C1QTNF3: variants seen among roughly 807,000 people sequenced by gnomAD.
C1QTNF3 encodes C1q and TNF related 3.
In C1QTNF3, 26 loss-of-function variants were observed where a neutral mutation model predicts 32.6. The ratio of observed to expected loss-of-function variants is 0.80; its 90% confidence interval spans 0.58 to 1.11. C1QTNF3 has a LOEUF of 1.11. C1QTNF3 is among the 50% of genes least tolerant of loss of function. The pLI is 0.00. For missense variants in C1QTNF3, 362 were observed against 398.2 expected, an observed-to-expected ratio of 0.91 and a Z score of 0.77; for synonymous variants, 155 against 146.0, an observed-to-expected ratio of 1.06 and a Z score of -0.44.
At chr5:34,156,439 A>G in the C1QTNF3 span, among the ~76,000 whole-genome samples, 1 of 152,340 alleles carries the variant, frequency 6.6e-6, no homozygotes, top group South Asian at 2.1e-4. Flanking sequence ...TACTGTGATT[A>G]TTCTTTCTAA....
chr5:34,059,678 G>A, the C1QTNF3 span, among the ~76,000 whole-genome samples: 1 of 152,148 alleles, frequency 6.6e-6, no homozygotes, highest in Non-Finnish European at 1.5e-5. Context: ...CAGCTTGGGG[G>A]TTTAGAGCTC....
At chr5:34,079,749 G>A in the C1QTNF3 span, among the ~76,000 whole-genome samples, 10 of 151,736 alleles carry the variant, frequency 6.6e-5, 1 homozygote, top group African/African-American at 2.4e-4. Flanking sequence ...GAAGCAGAGA[G>A]TAAAAGGCAG....
At chr5:34,236,570 C>CTTTTTTTTTTTTT in the C1QTNF3 span, among the ~76,000 whole-genome samples, 32 of 27,282 alleles carry the variant, frequency 1.2e-3, no homozygotes, top group East Asian at 1.8e-3. Context: ...TTTCTTTTTT[C>CTTTTTTTTTTTTT]TTTTTTTTTT....
chr5:34,197,681 G>A, the C1QTNF3 span, among the ~76,000 whole-genome samples: 3 of 152,042 alleles, frequency 2.0e-5, no homozygotes, highest in African/African-American at 7.3e-5. Context: ...GTTGACCCAG[G>A]CAGCATCCCC....
At chr5:34,166,183 T>C in the C1QTNF3 span, 1 of 152,152 alleles carries the variant, frequency 6.6e-6, no homozygotes, top group Admixed American at 6.6e-5. Flanking sequence ...ATGGATATAG[T>C]TGCCTTTTTA....
rs773729598 is a variant in C1QTNF3 at position 34,024,013 on chromosome 5, A to C, written c.701-5T>G. On this transcript the variant is annotated splice_region_variant and splice_polypyrimidine_tract_variant and intron_variant, in intron 4 of 5. Transcript: ENST00000382065. Reference sequence around the variant, plus strand: ...TGAAGGTGAAGAAATACACACCTGAAAAAAGCAGGTATATATCCATGTTGA... The same window carrying C: ...TGAAGGTGAAGAAATACACACCTGACAAAAGCAGGTATATATCCATGTTGA... The C allele has an allele frequency of 6.2e-7, 1 of 1,611,696 alleles. No homozygotes were observed.
At chr5:34,064,311 T>C in the C1QTNF3 span, among the ~76,000 whole-genome samples, 2 of 152,302 alleles carry the variant, frequency 1.3e-5, no homozygotes, top group South Asian at 4.1e-4. Flanking sequence ...AGGATGGTCT[T>C]TGTTCTTAGA....
the C1QTNF3 span, among the ~76,000 whole-genome samples, chr5:34,074,456 G>A: frequency 6.6e-6 from 1 of 151,598 alleles, no homozygotes; most frequent in Non-Finnish European, 1.5e-5. Context: ...ATAAGTGTCT[G>A]CTGTTTCCTT....
At chr5:34,078,697 T>C in the C1QTNF3 span, among the ~76,000 whole-genome samples, 1 of 151,712 alleles carries the variant, frequency 6.6e-6, no homozygotes, top group Non-Finnish European at 1.5e-5. The surrounding 1 kb of genome is among the most constrained non-coding windows in gnomAD (Gnocchi z 4.0). Flanking sequence ...TCAGTTATCC[T>C]ATAGATTTCA....
At chr5:34,137,703 C>A in the C1QTNF3 span, among the ~76,000 whole-genome samples, 1 of 152,172 alleles carries the variant, frequency 6.6e-6, no homozygotes, top group African/African-American at 2.4e-5. Context: ...TTCACATGCA[C>A]ACACATATGA....
chr5:34,033,564 A>G (rs1754668644), intron 2 of C1QTNF3, 106 bp from the exon 3 acceptor site: 1 of 1,389,514 alleles, frequency 7.2e-7, no homozygotes. Flanking sequence ...ACCATTCAGA[A>G]TAATCCCAAA....
the C1QTNF3 span, among the ~76,000 whole-genome samples, chr5:34,196,426 C>A: frequency 1.3e-5 from 2 of 152,278 alleles, no homozygotes; most frequent in African/African-American, 4.8e-5. Flanking sequence ...GCATAAGCCA[C>A]CACGCCTGGT....
the C1QTNF3 span, among the ~76,000 whole-genome samples, chr5:34,079,757 C>CAGT: frequency 6.6e-6 from 1 of 151,662 alleles, no homozygotes; most frequent in Admixed American, 6.6e-5. Context: ...GAGTAAAAGG[C>CAGT]AGTAGCCAGG....
chr5:34,018,155 T>G lies in C1QTNF3; in HGVS notation c.*2428A>C, dbSNP rs1323373760. 6.6e-6 allele frequency among the ~76,000 whole-genome samples: 1 copy of G among 151,888 alleles called. No homozygotes were observed. The highest frequency in any genetic ancestry group is 1.5e-5 in the Non-Finnish European group (1 of 67,942). On this transcript the variant is annotated 3_prime_UTR_variant, in exon 6 of 6. Transcript: ENST00000382065. ...AAAGACTGAAATAAACACTTTAAAA[T>G]AGTAATATTATTTAATATTTGATGG...
the C1QTNF3 span, among the ~76,000 whole-genome samples, chr5:34,084,799 TG>T: frequency 0.56 from 61,191 of 109,290 alleles, 18,574 homozygotes; most frequent in Non-Finnish European, 0.62. Context: ...GTTTTTTTTT[TG>T]TTTTTTTTGT....
the C1QTNF3 span, among the ~76,000 whole-genome samples, chr5:34,137,095 A>ATT: frequency 6.6e-6 from 1 of 151,154 alleles, no homozygotes. Flanking sequence ...AGGTATACCT[A>ATT]TTTATCAAAC....
intron 3 of C1QTNF3, among the ~76,000 whole-genome samples, chr5:34,032,378 A>G (rs1053409744): frequency 6.6e-6 from 1 of 152,218 alleles, no homozygotes; most frequent in Non-Finnish European, 1.5e-5. Flanking sequence ...TAACCTCATA[A>G]ATTGATTTTT....
the C1QTNF3 span, among the ~76,000 whole-genome samples, chr5:34,118,760 A>G: frequency 6.6e-6 from 1 of 151,682 alleles, no homozygotes; most frequent in Admixed American, 6.6e-5. Context: ...TCTGATTTGG[A>G]TCTCCTTGTT....
At chr5:34,072,773 GTAA>G in the C1QTNF3 span, among the ~76,000 whole-genome samples, 1 of 152,056 alleles carries the variant, frequency 6.6e-6, no homozygotes, top group Non-Finnish European at 1.5e-5. Context: ...TTCAAATTTT[GTAA>G]TTATTACACT....
Sources: gnomAD v4.1 joint callset for allele counts (sites outside exome capture counted in the v4.1 genomes callset) on GRCh38, gnomAD v4.1.1 for gene constraint, Gnocchi (gnomAD v3.1) non-coding constraint, MANE v1.5 for transcripts, NCBI Gene and HGNC (gene_info 2026-07-23, HGNC 2026-07-21) for gene names.